The following KCTD16 variants were observed in gnomAD, a reference collection of about 807,000 sequenced individuals.
The protein encoded by KCTD16 is BTB/POZ domain-containing protein KCTD16.
A neutral mutation model predicts 33.2 loss-of-function variants in KCTD16; 13 were observed. The ratio of observed to expected loss-of-function variants is 0.39; its 90% CI spans 0.25 to 0.62. The LOEUF is 0.62. Among genes scored for constraint, KCTD16 ranks in the 20% least tolerant of loss-of-function variants. The probability of loss-of-function intolerance (pLI) is 0.50; values close to 1 mark genes in which losing one functional copy is unlikely to be tolerated. For missense variants in KCTD16, 441 were observed against 525.1 expected, an observed-to-expected ratio of 0.84 and a Z score of 1.57; for synonymous variants, 197 against 195.3, an observed-to-expected ratio of 1.01 and a Z score of -0.07.
intron 3 of KCTD16, among the ~76,000 whole-genome samples, chr5:144,456,704 G>T (rs1232720829): frequency 6.6e-6 from 1 of 150,922 alleles, no homozygotes; most frequent in East Asian, 1.9e-4. Context: ...GTGTCGATCT[G>T]GGCTTTTGAA....
intron 3 of KCTD16, among the ~76,000 whole-genome samples, chr5:144,444,806 A>T (rs1317725817): frequency 6.6e-6 from 1 of 151,262 alleles, no homozygotes; most frequent in Non-Finnish European, 1.5e-5. Context: ...CCAGATTGAT[A>T]TTCTGATCTC....
At chr5:144,376,165 A>G (rs1752088795) in intron 3 of KCTD16, among the ~76,000 whole-genome samples, 1 of 151,548 alleles carries the variant, frequency 6.6e-6, no homozygotes, top group Non-Finnish European at 1.5e-5. Context: ...CTTATTATAC[A>G]TCCTTTTTCC....
chr5:144,176,557 C>A (rs898321567), intron 2 of KCTD16, among the ~76,000 whole-genome samples: 1 of 150,954 alleles, frequency 6.6e-6, no homozygotes, highest in African/African-American at 2.4e-5. Context: ...CGCCCGCCAC[C>A]GCGCCCGGCT....
intron 3 of KCTD16, among the ~76,000 whole-genome samples, chr5:144,417,396 T>G (rs542047229): frequency 6.6e-6 from 1 of 152,144 alleles, no homozygotes; most frequent in African/African-American, 2.4e-5. Flanking sequence ...TTTTATGTGT[T>G]TGTTGCCCAT....
At chr5:144,234,398 C>A (rs1363289155) in intron 3 of KCTD16, among the ~76,000 whole-genome samples, 1 of 152,144 alleles carries the variant, frequency 6.6e-6, no homozygotes, top group Non-Finnish European at 1.5e-5. Context: ...CAAATCACAT[C>A]ATGTCTGTCA....
chr5:144,416,649 T>C (rs932149419), intron 3 of KCTD16, among the ~76,000 whole-genome samples: 10 of 152,204 alleles, frequency 6.6e-5, no homozygotes, highest in African/African-American at 2.4e-4. Context: ...AAATTAATCA[T>C]TTTATAGCAA....
chr5:144,301,371 G>T (rs1420882701), intron 3 of KCTD16, among the ~76,000 whole-genome samples: 1 of 152,038 alleles, frequency 6.6e-6, no homozygotes, highest in Non-Finnish European at 1.5e-5. Flanking sequence ...AGATTGAATT[G>T]AGTAAGACCA....
chr5:144,429,172 C>G (rs1352200912), intron 3 of KCTD16, among the ~76,000 whole-genome samples: 1 of 152,004 alleles, frequency 6.6e-6, no homozygotes, highest in African/African-American at 2.4e-5. Flanking sequence ...AGAAAAATCC[C>G]TCAGTAAATC....
intron 3 of KCTD16, among the ~76,000 whole-genome samples, chr5:144,293,453 A>C (rs1475205075): frequency 6.6e-6 from 1 of 152,206 alleles, no homozygotes; most frequent in Non-Finnish European, 1.5e-5. Context: ...TAGAAATTTA[A>C]ATTATTGTTT....
chr5:144,460,128 G>A (rs903531676), intron 3 of KCTD16, among the ~76,000 whole-genome samples: 23 of 151,974 alleles, frequency 1.5e-4, no homozygotes, highest in Non-Finnish European at 1.8e-4. Flanking sequence ...CACCGCACCC[G>A]GCCTCCAATC....
chr5:144,207,765 T>C lies in KCTD16; in HGVS notation c.832+219T>C, dbSNP rs769077340. ...ACAGAATATTCAAAGGCCTCCAAAA[T>C]AATAAAATGCAAATGATATTGGTAT... On this transcript the variant is annotated intron_variant, in intron 3 of 3. Coordinates refer to ENST00000512467, the MANE Select transcript of KCTD16 (RefSeq NM_020768.4). 2.6e-4 allele frequency among the ~76,000 whole-genome samples: 40 copies of C among 152,324 alleles called. 1 individual carries two copies. The highest frequency in any genetic ancestry group is 6.8e-3 in the Middle Eastern group (2 of 294).
intron 3 of KCTD16, among the ~76,000 whole-genome samples, chr5:144,254,312 T>G (rs576533651): frequency 5.5e-4 from 78 of 140,672 alleles, no homozygotes; most frequent in East Asian, 2.9e-3. Flanking sequence ...AATTTTTTTT[T>G]TTTGTTTTTT....
chr5:144,350,504 C>G (rs565907684), intron 3 of KCTD16, among the ~76,000 whole-genome samples: 5 of 152,118 alleles, frequency 3.3e-5, no homozygotes, highest in Admixed American at 3.3e-4. Context: ...CCCCAAATTC[C>G]CTGGTAAATA....
At chr5:144,442,469 C>CTTTCTTTCTTTCT (rs1753734295) in intron 3 of KCTD16, among the ~76,000 whole-genome samples, 1 of 151,170 alleles carries the variant, frequency 6.6e-6, no homozygotes, top group South Asian at 2.1e-4. Context: ...TTCTTTCTTT[C>CTTTCTTTCTTTCT]TTTCTTTCTG....
chr5:144,242,913 C>T (rs1164004976), intron 3 of KCTD16, among the ~76,000 whole-genome samples: 1 of 152,088 alleles, frequency 6.6e-6, no homozygotes, highest in Non-Finnish European at 1.5e-5. Flanking sequence ...GGGGATCAAA[C>T]GTGAGGTTTG....
intron 3 of KCTD16, among the ~76,000 whole-genome samples, chr5:144,460,690 C>T (rs1376947619): frequency 1.3e-5 from 2 of 152,290 alleles, no homozygotes; most frequent in Admixed American, 6.5e-5. Context: ...GGTCCACCCT[C>T]GGCCTCCCAA....
At chr5:144,462,417 T>A (rs1295199143) in intron 3 of KCTD16, among the ~76,000 whole-genome samples, 1 of 151,910 alleles carries the variant, frequency 6.6e-6, no homozygotes, top group Non-Finnish European at 1.5e-5. Flanking sequence ...AATTTTACCG[T>A]CTCTTAGGAA....
intron 3 of KCTD16, among the ~76,000 whole-genome samples, chr5:144,228,279 A>C (rs1269195857): frequency 6.6e-6 from 1 of 152,190 alleles, no homozygotes; most frequent in Non-Finnish European, 1.5e-5. Context: ...GAGAACCAGG[A>C]AAGTGGGGTG....
chr5:144,192,511 CAATT>C (rs1752863217), intron 2 of KCTD16, among the ~76,000 whole-genome samples: 1 of 152,152 alleles, frequency 6.6e-6, no homozygotes, highest in Non-Finnish European at 1.5e-5. Context: ...GTAACAAAAT[CAATT>C]AATTCATCTA....
Sources: gnomAD v4.1 joint callset for allele counts (sites outside exome capture counted in the v4.1 genomes callset) on GRCh38, gnomAD v4.1.1 for gene constraint, MANE v1.5 for transcripts, NCBI Gene and HGNC (gene_info 2026-07-23, HGNC 2026-07-21) for gene names.